MYO3B: variants seen among roughly 807,000 people sequenced by gnomAD.
MYO3B encodes the protein myosin IIIB.
MYO3B carries 156 observed loss-of-function variants against 174.6 expected under a neutral mutation model. The ratio of observed to expected loss-of-function variants is 0.89; its 90% CI spans 0.78 to 1.02. The LOEUF is 1.02. Ranked by LOEUF, MYO3B falls within the 50% of genes least tolerant of loss-of-function variation. The pLI, the probability that MYO3B is intolerant of heterozygous loss-of-function variation, is 0.00. For missense variants in MYO3B, 1,632 were observed against 1,639.4 expected, an observed-to-expected ratio of 1.00 and a Z score of 0.08; for synonymous variants, 563 against 569.1, an observed-to-expected ratio of 0.99 and a Z score of 0.15.
chr2:170,199,012 C>T (rs769570293), intron 1 of MYO3B, among the ~76,000 whole-genome samples, 196 bp from the exon 2 acceptor site: 11 of 152,194 alleles, frequency 7.2e-5, no homozygotes, highest in Non-Finnish European at 1.5e-4. Flanking sequence ...AGCCATGTTA[C>T]TCCTCCACTC....
intron 22 of MYO3B, among the ~76,000 whole-genome samples, chr2:170,427,757 A>G (rs1463467900): frequency 6.6e-6 from 1 of 152,220 alleles, no homozygotes; most frequent in Admixed American, 6.5e-5. Flanking sequence ...GTGACATGGA[A>G]TAGTCATTCT....
At chr2:170,359,449 A>G (rs1013294857) in intron 8 of MYO3B, among the ~76,000 whole-genome samples, 1 of 152,166 alleles carries the variant, frequency 6.6e-6, no homozygotes, top group Non-Finnish European at 1.5e-5. Context: ...TAAAGCAAAT[A>G]TCTAATTGTG....
intron 7 of MYO3B, among the ~76,000 whole-genome samples, chr2:170,315,011 G>T (rs1220375610): frequency 6.6e-6 from 1 of 152,212 alleles, no homozygotes; most frequent in Non-Finnish European, 1.5e-5. Context: ...TGTACTGGGT[G>T]ATTACGGACC....
At chr2:170,200,590 T>C (rs577561880) in intron 3 of MYO3B, among the ~76,000 whole-genome samples, 2 of 152,354 alleles carry the variant, frequency 1.3e-5, no homozygotes, top group Admixed American at 6.5e-5. Context: ...CATGTTTGAA[T>C]TGATTGCAAC....
chr2:170,253,888 C>T (rs190715118), intron 7 of MYO3B, among the ~76,000 whole-genome samples: 188 of 10,226 alleles, frequency 0.018, no homozygotes, highest in African/African-American at 0.068. Context: ...GTTCTGGGGA[C>T]GGGGGGCGGG....
At chr2:170,239,775 G>C (rs2093110289) in intron 7 of MYO3B, among the ~76,000 whole-genome samples, 1 of 152,336 alleles carries the variant, frequency 6.6e-6, no homozygotes, top group Non-Finnish European at 1.5e-5. Context: ...TTGTTCCAAA[G>C]TCACCTGGAC....
chr2:170,504,338 T>C (rs564983734), intron 28 of MYO3B, among the ~76,000 whole-genome samples: 6 of 152,354 alleles, frequency 3.9e-5, no homozygotes, highest in African/African-American at 7.2e-5. Context: ...AGATATGTTA[T>C]ATATTTTTAA....
chr2:170,295,549 C>A (rs1006341551), intron 7 of MYO3B, among the ~76,000 whole-genome samples: 2 of 152,016 alleles, frequency 1.3e-5, no homozygotes, highest in African/African-American at 2.4e-5. Context: ...TCTCTCAATT[C>A]ATCCATGTAT....
chr2:170,294,950 TAA>T (rs2093619991), intron 7 of MYO3B, among the ~76,000 whole-genome samples: 2 of 92,576 alleles, frequency 2.2e-5, no homozygotes, highest in Admixed American at 1.3e-4. Flanking sequence ...CTCTAAAAAA[TAA>T]AGTGTATTAA....
At chr2:170,414,068 C>G (rs1019338332) in intron 22 of MYO3B, among the ~76,000 whole-genome samples, 9 of 152,030 alleles carry the variant, frequency 5.9e-5, no homozygotes, top group Admixed American at 5.9e-4. Flanking sequence ...AATAACTATC[C>G]TTTCTCCATT....
chr2:170,230,323 C>A (rs1486395712), intron 6 of MYO3B, among the ~76,000 whole-genome samples: 1 of 143,974 alleles, frequency 6.9e-6, no homozygotes, highest in Non-Finnish European at 1.5e-5. Flanking sequence ...GCATGTGCCA[C>A]CACGCCTGGC....
intron 32 of MYO3B, among the ~76,000 whole-genome samples, chr2:170,635,247 T>A (rs1310332558): frequency 6.6e-6 from 1 of 152,056 alleles, no homozygotes; most frequent in Non-Finnish European, 1.5e-5. Flanking sequence ...ATTAAGAAAA[T>A]GTGGCACATA....
chr2:170,411,317 T>C (rs921462598), intron 22 of MYO3B, among the ~76,000 whole-genome samples: 2 of 152,192 alleles, frequency 1.3e-5, no homozygotes, highest in African/African-American at 2.4e-5. Context: ...TGTACAAACA[T>C]CATAGAGTTC....
chr2:170,597,706 G>A (rs1575222177), intron 32 of MYO3B, among the ~76,000 whole-genome samples: 1 of 152,234 alleles, frequency 6.6e-6, no homozygotes, highest in South Asian at 2.1e-4. Context: ...AAATGATTGT[G>A]GTATTATCCT....
At chr2:170,296,793 A>G (rs2093631437) in intron 7 of MYO3B, among the ~76,000 whole-genome samples, 1 of 152,198 alleles carries the variant, frequency 6.6e-6, no homozygotes, top group Non-Finnish European at 1.5e-5. Context: ...GGAGGCTTCA[A>G]AAAACTTACA....
intron 32 of MYO3B, among the ~76,000 whole-genome samples, chr2:170,613,613 A>AT (rs1695257319): frequency 6.6e-6 from 1 of 152,198 alleles, no homozygotes; most frequent in Admixed American, 6.5e-5. Flanking sequence ...GATACAAAGT[A>AT]TTGATCCTGG....
At position 170,610,147 on chromosome 2, in the gene MYO3B, T is replaced by C. The variant is rs111959933; in HGVS notation, c.3734-41481T>C. On this transcript the variant is annotated intron_variant, in intron 32 of 34. Coordinates refer to ENST00000408978, the MANE Select transcript of MYO3B (RefSeq NM_138995.5). ...GTCAGGAGATCAAGACCATCCTGGCTAACACAGTGAAACCCCATCTCTACT... is the reference window on the plus strand; with the variant it reads ...GTCAGGAGATCAAGACCATCCTGGCCAACACAGTGAAACCCCATCTCTACT... Among the ~76,000 whole-genome samples the C allele has an allele frequency of 2.6e-5, 4 of 152,214 alleles. 1 individual carries two copies. Among genetic ancestry groups the C allele is most frequent in the African/African-American group, 9.6e-5 (4 of 41,536 alleles).
At chr2:170,599,369 A>G (rs558627050) in intron 32 of MYO3B, among the ~76,000 whole-genome samples, 2 of 152,344 alleles carry the variant, frequency 1.3e-5, no homozygotes, top group East Asian at 3.9e-4. Context: ...TTACTCCCCA[A>G]GATTTGTAGT....
chr2:170,212,349 C>T (rs768085318), intron 3 of MYO3B, among the ~76,000 whole-genome samples: 3 of 152,048 alleles, frequency 2.0e-5, no homozygotes, highest in Non-Finnish European at 4.4e-5. Flanking sequence ...CCAGTTTGCC[C>T]GTCCAGCCGA....
Sources: gnomAD v4.1 joint callset for allele counts (sites outside exome capture counted in the v4.1 genomes callset) on GRCh38, gnomAD v4.1.1 for gene constraint, MANE v1.5 for transcripts, NCBI Gene and HGNC (gene_info 2026-07-23, HGNC 2026-07-21) for gene names.